CLIC4: variants seen among roughly 807,000 people sequenced by gnomAD.
CLIC4 encodes the protein CLIC family member 4.
CLIC4 carries 13 observed loss-of-function variants against 24.6 expected under a neutral mutation model. The ratio of observed to expected loss-of-function variants is 0.53; its 90% CI spans 0.34 to 0.84. The LOEUF (loss-of-function observed/expected upper bound fraction) is 0.84. CLIC4 is among the 40% of genes least tolerant of loss of function. The probability of loss-of-function intolerance (pLI) is 0.01; values close to 1 mark genes in which losing one functional copy is unlikely to be tolerated. For missense variants in CLIC4, 227 were observed against 301.7 expected (o/e 0.75, Z 1.83); for synonymous variants, 104 against 111.3 (o/e 0.93, Z 0.41).
intron 1 of CLIC4, among the ~76,000 whole-genome samples, chr1:24,748,499 GTTTTTTTTTTTTT>G (rs869153638): frequency 1.2e-5 from 1 of 80,608 alleles, no homozygotes; most frequent in Admixed American, 2.0e-4. Flanking sequence ...CAGGTTTTTT[GTTTTTTTTTTTTT>G]TTTTTTTTTT....
intron 4 of CLIC4, among the ~76,000 whole-genome samples, chr1:24,827,542 G>GTTTTTTTTTTTTTTTTTTTTTTTTTTTTT (rs35037847): frequency 1.0e-5 from 1 of 95,834 alleles, no homozygotes. Context: ...TCAGTCTGAG[G>GTTTTTTTTTTTTTTTTTTTTTTTTTTTTT]TTTTTTTTTT....
In CLIC4 at chr1:24,820,067, GTATATATA is replaced by G. The variant is rs751126014; in HGVS notation, c.308+5852_308+5859del. ...TACTTCAAAAAAAAAAAAAAAGTAT[GTATATATA>G]TATGTATATATATATATATATAGAC... On this transcript the variant is annotated intron_variant, in intron 3 of 5. Coordinates refer to ENST00000374379, the MANE Select transcript of CLIC4 (RefSeq NM_013943.3). 4.7e-4 allele frequency among the ~76,000 whole-genome samples: 17 copies of G among 36,478 alleles called. 1 individual carries two copies. Among genetic ancestry groups the G allele is most frequent in the Middle Eastern group, 0.02 (1 of 50 alleles). 23.9% of individuals were successfully genotyped at this position (36,478 alleles called of 152,430 possible).
At chr1:24,804,927 C>T (rs758981129) in intron 2 of CLIC4, among the ~76,000 whole-genome samples, 23 of 151,728 alleles carry the variant, frequency 1.5e-4, no homozygotes, top group Admixed American at 2.6e-4. Flanking sequence ...TGGTGAAATC[C>T]TGTCTCTACT....
intron 1 of CLIC4, among the ~76,000 whole-genome samples, chr1:24,773,449 G>T (rs1162057956): frequency 6.6e-6 from 1 of 152,054 alleles, no homozygotes; most frequent in Non-Finnish European, 1.5e-5. Context: ...ATTTTGACTT[G>T]CAGAAGCATT....
intron 1 of CLIC4, among the ~76,000 whole-genome samples, chr1:24,773,759 G>C (rs1267382800): frequency 4.0e-5 from 6 of 151,694 alleles, no homozygotes; most frequent in Non-Finnish European, 1.5e-5. Context: ...ACCATATCTG[G>C]CTAATTTTCT....
At chr1:24,785,854 C>CAAAAAAAAAAAAAAAAAAAAACA (rs1639259998) in intron 1 of CLIC4, among the ~76,000 whole-genome samples, 1 of 58,852 alleles carries the variant, frequency 1.7e-5, no homozygotes, top group Non-Finnish European at 2.9e-5. Context: ...GACTACAACT[C>CAAAAAAAAAAAAAAAAAAAAACA]AAAAAAAAAA....
intron 1 of CLIC4, among the ~76,000 whole-genome samples, chr1:24,756,462 A>G (rs1247792374): frequency 6.6e-6 from 1 of 152,242 alleles, no homozygotes; most frequent in East Asian, 1.9e-4. Flanking sequence ...AACTAGGAGT[A>G]TGACAGGTTT....
At chr1:24,775,567 CCT>C (rs1462439714) in intron 1 of CLIC4, among the ~76,000 whole-genome samples, 3 of 146,450 alleles carry the variant, frequency 2.0e-5, no homozygotes, top group African/African-American at 2.5e-5. Flanking sequence ...TTTCTCTTTC[CCT>C]CTCTTTTCTT....
At position 24,833,838 on chromosome 1, in the gene CLIC4, C is replaced by G. The variant is rs1639862168; in HGVS notation, c.416-6022C>G. Among the ~76,000 whole-genome samples the G allele has an allele frequency of 6.7e-5, 2 of 29,954 alleles. 1 individual carries two copies. The highest frequency in any genetic ancestry group is 1.8e-4 in the Non-Finnish European group (2 of 10,838). The allele number at this position is 29,954 out of a possible 152,430, so 19.7% of individuals were successfully genotyped here. A position where few individuals can be genotyped will look rare whatever the true frequency, so the allele number is the denominator to read the frequency against. On this transcript the variant is annotated intron_variant, in intron 4 of 5. Transcript: ENST00000374379. ...GGGCGGCTGGCCGACCCCCCCCCCC[C>G]CCCCCCGCCTCCCTCCCGGACGGGG...
chr1:24,789,410 C>T (rs1465876521), intron 1 of CLIC4, among the ~76,000 whole-genome samples: 1 of 152,086 alleles, frequency 6.6e-6, no homozygotes, highest in Non-Finnish European at 1.5e-5. Flanking sequence ...CCCAGCTATT[C>T]GGGAGGTTGA....
intron 1 of CLIC4, among the ~76,000 whole-genome samples, chr1:24,776,251 T>A (rs373311113): frequency 2.7e-4 from 41 of 152,342 alleles, no homozygotes; most frequent in East Asian, 2.5e-3. Flanking sequence ...GTTTTTTGGC[T>A]TTTAAAGTCA....
At chr1:24,786,857 A>T (rs1006462493) in intron 1 of CLIC4, among the ~76,000 whole-genome samples, 1 of 151,906 alleles carries the variant, frequency 6.6e-6, no homozygotes, top group Non-Finnish European at 1.5e-5. Context: ...TGACCTCGTG[A>T]TCCGCCCGCC....
chr1:24,815,083 G>T (rs1263468052), intron 3 of CLIC4, among the ~76,000 whole-genome samples: 1 of 152,172 alleles, frequency 6.6e-6, no homozygotes, highest in South Asian at 2.1e-4. Flanking sequence ...AATGAGTCAC[G>T]TGAAATTTTT....
At chr1:24,796,160 G>A (rs1047370240) in intron 1 of CLIC4, among the ~76,000 whole-genome samples, 1 of 152,018 alleles carries the variant, frequency 6.6e-6, no homozygotes, top group African/African-American at 2.4e-5. Context: ...CATATGCCAG[G>A]GGTCTCAAAA....
chr1:24,791,089 C>T (rs1010182144), intron 1 of CLIC4, among the ~76,000 whole-genome samples: 3 of 152,090 alleles, frequency 2.0e-5, no homozygotes, highest in African/African-American at 4.8e-5. Context: ...GGTAAGGGAA[C>T]GCTGACTTTC....
chr1:24,840,131 T>A, intron 5 of CLIC4, 90 bp downstream of exon 5: 2 of 1,251,394 alleles, frequency 1.6e-6, no homozygotes, highest in African/African-American at 3.0e-5. Context: ...ACATTTCTGA[T>A]TTTATATGAC....
At chr1:24,831,862 C>T (rs1188384098) in intron 4 of CLIC4, among the ~76,000 whole-genome samples, 1 of 152,204 alleles carries the variant, frequency 6.6e-6, no homozygotes, top group East Asian at 1.9e-4. Flanking sequence ...TGGTCTTGAA[C>T]TGCTGACCTC....
chr1:24,795,671 A>G (rs4549986), intron 1 of CLIC4, among the ~76,000 whole-genome samples: 94,023 of 152,078 alleles, frequency 0.62, 30,234 homozygotes, highest in Non-Finnish European at 0.71. Flanking sequence ...CCCGGGTTCA[A>G]GCAATTCTCC....
At chr1:24,750,941 A>T (rs1372811419) in intron 1 of CLIC4, among the ~76,000 whole-genome samples, 1 of 151,960 alleles carries the variant, frequency 6.6e-6, no homozygotes, top group Non-Finnish European at 1.5e-5. Flanking sequence ...TAGGGTGTGC[A>T]TATGGTTCAG....
Sources: gnomAD v4.1 joint callset for allele counts (sites outside exome capture counted in the v4.1 genomes callset) on GRCh38, gnomAD v4.1.1 for gene constraint, MANE v1.5 for transcripts, NCBI Gene and HGNC (gene_info 2026-07-23, HGNC 2026-07-21) for gene names.